The following SPATA1 variants were observed in gnomAD, a reference collection of about 807,000 sequenced individuals.
SPATA1 encodes the protein spermatogenesis associated 1.
SPATA1 carries 57 observed loss-of-function variants against 59.6 expected under a neutral mutation model. The observed-to-expected ratio is 0.96, with a 90% CI of 0.77 to 1.19. The LOEUF is 1.19. Ranked by LOEUF, SPATA1 falls within the 50% of genes most tolerant of loss-of-function variation. The probability of loss-of-function intolerance (pLI) is 0.00; values close to 1 mark genes in which losing one functional copy is unlikely to be tolerated. For missense variants in SPATA1, 448 were observed against 480.7 expected, an observed-to-expected ratio of 0.93 and a Z score of 0.64; for synonymous variants, 147 against 163.9, an observed-to-expected ratio of 0.90 and a Z score of 0.79.
chr1:84,511,788 T>A (rs1682574790), intron 1 of SPATA1, among the ~76,000 whole-genome samples: 1 of 150,468 alleles, frequency 6.6e-6, no homozygotes, highest in Admixed American at 6.7e-5. Context: ...TTCAAGCAAG[T>A]CTCCTGCCTC....
intron 3 of SPATA1, among the ~76,000 whole-genome samples, chr1:84,521,823 A>G (rs567250797): frequency 6.6e-6 from 1 of 152,296 alleles, no homozygotes; most frequent in East Asian, 1.9e-4. Flanking sequence ...TGCTCAATAA[A>G]TATGTGTTGA....
At chr1:84,540,636 T>C (rs1370954479) in intron 8 of SPATA1, among the ~76,000 whole-genome samples, 2 of 152,214 alleles carry the variant, frequency 1.3e-5, no homozygotes, top group Admixed American at 1.3e-4. Context: ...TATAATTAAA[T>C]ATGTTCAACA....
rs952736327 is a variant in SPATA1, at chr1:84,550,855, T to A, written c.1224+325T>A. 4 of 991,374 alleles carry A rather than the reference T, an allele frequency of 4.0e-6. No individual in the cohort carries two copies. In the African/African-American group the frequency reaches 5.2e-5, roughly 13 times the overall value. The allele number at this position is 991,374 out of a possible 1,614,324, so 61.4% of individuals were successfully genotyped here. A position where few individuals can be genotyped will look rare whatever the true frequency, so the allele number is the denominator to read the frequency against. ...CCTGTATTAGAATTATTAAGTCTGA[T>A]AAACCACTGAGCTCTCCTCTGAACT... is the stretch of plus-strand genomic sequence containing the variant. On this transcript the variant is annotated intron_variant, in intron 12 of 12. Coordinates refer to ENST00000490879, the Ensembl canonical transcript of SPATA1.
intron 6 of SPATA1, among the ~76,000 whole-genome samples, chr1:84,527,293 A>C (rs1348645624): frequency 6.6e-6 from 1 of 152,120 alleles, no homozygotes; most frequent in East Asian, 1.9e-4. Flanking sequence ...AGTTAAACTA[A>C]TTTTTTTCCT....
At chr1:84,514,137 G>A (rs1682695498) in intron 1 of SPATA1, among the ~76,000 whole-genome samples, 1 of 151,838 alleles carries the variant, frequency 6.6e-6, no homozygotes, top group Non-Finnish European at 1.5e-5. Context: ...AAGCCACCAC[G>A]CCCGGCTCTC....
At chr1:84,550,443 A>G (rs747650691) in exon 12 of SPATA1, 5 of 1,537,384 alleles carry the variant, frequency 3.3e-6, no homozygotes, top group Non-Finnish European at 4.4e-6. Flanking sequence ...ATTACCTAAT[A>G]ATCCAGATCA....
rs182129146 is a variant in SPATA1, at chr1:84,527,323, T to G, written c.544+1250T>G. Among the ~76,000 whole-genome samples the G allele has an allele frequency of 2.0e-4, 30 of 152,286 alleles. No homozygotes were observed. The East Asian group carries it at 3.3e-3, about 17-fold the overall frequency. Reference sequence around the variant, plus strand: ...TTTCCTATTGATTCTTAGACTGTAGTCAGCTTTATTTATATGCTTTAAATG... The same window carrying G: ...TTTCCTATTGATTCTTAGACTGTAGGCAGCTTTATTTATATGCTTTAAATG... On this transcript the variant is annotated intron_variant, in intron 6 of 12. Coordinates refer to ENST00000490879, the Ensembl canonical transcript of SPATA1.
exon 10 of SPATA1, chr1:84,545,706 T>A (rs1182732628): frequency 6.5e-7 from 1 of 1,536,320 alleles, no homozygotes; most frequent in South Asian, 1.3e-5. Context: ...AGAGAAGAAC[T>A]AGTAAAAACG....
At chr1:84,511,556 A>G (rs1458007152) in intron 1 of SPATA1, among the ~76,000 whole-genome samples, 1 of 151,542 alleles carries the variant, frequency 6.6e-6, no homozygotes, top group African/African-American at 2.4e-5. Flanking sequence ...TGTCAACACT[A>G]GGACGTGTCT....
chr1:84,560,097 AAAAGAAAG>A (rs59549626), intron 4 of SPATA1, among the ~76,000 whole-genome samples: 30,252 of 113,956 alleles, frequency 0.27, 4,319 homozygotes, highest in African/African-American at 0.35. Flanking sequence ...AAAAAAAAAA[AAAAGAAAG>A]AAAGAAAGAA....
At chr1:84,565,149 T>C (rs1684666848) in intron 4 of SPATA1, among the ~76,000 whole-genome samples, 1 of 152,032 alleles carries the variant, frequency 6.6e-6, no homozygotes, top group African/African-American at 2.4e-5. Context: ...CAGTGAGCCC[T>C]GATCGTGCCA....
intron 6 of SPATA1, among the ~76,000 whole-genome samples, chr1:84,531,763 A>G (rs1439704537): frequency 6.6e-6 from 1 of 151,172 alleles, no homozygotes; most frequent in East Asian, 2.0e-4. Context: ...TTCTAGAGAT[A>G]TTGCCCAGGC....
intron 1 of SPATA1, among the ~76,000 whole-genome samples, chr1:84,508,060 T>A (rs1682354495): frequency 6.6e-6 from 1 of 152,088 alleles, no homozygotes; most frequent in Non-Finnish European, 1.5e-5. Flanking sequence ...GGCGAGCAGA[T>A]CACGAGGTCA....
intron 8 of SPATA1, among the ~76,000 whole-genome samples, chr1:84,539,612 G>A (rs1245095329): frequency 2.0e-5 from 3 of 151,984 alleles, no homozygotes; most frequent in Admixed American, 2.0e-4. Context: ...TTTTTGGGGG[G>A]GTTACCTGTT....
At chr1:84,560,890 T>C (rs1262324830) in intron 4 of SPATA1, among the ~76,000 whole-genome samples, 1 of 152,194 alleles carries the variant, frequency 6.6e-6, no homozygotes, top group Non-Finnish European at 1.5e-5. Flanking sequence ...AAAAAAGAGA[T>C]TTCTTTCAAA....
intron 8 of SPATA1, among the ~76,000 whole-genome samples, chr1:84,541,939 TTTTG>T (rs140100393): frequency 0.055 from 8,383 of 152,104 alleles, 321 homozygotes; most frequent in Non-Finnish European, 0.078. Context: ...TTTGAGTTTT[TTTTG>T]TTTGTTTGTT....
intron 10 of SPATA1, 100 bp from the exon 11 acceptor site, chr1:84,548,686 T>C: frequency 7.8e-7 from 1 of 1,277,556 alleles, no homozygotes; most frequent in Non-Finnish European, 1.0e-6. Context: ...TAAATTGACA[T>C]TAGCTCTAGG....
At chr1:84,551,078 C>T in intron 12 of SPATA1, 2 of 985,248 alleles carry the variant, frequency 2.0e-6, no homozygotes, top group Non-Finnish European at 2.4e-6. Flanking sequence ...TGGGCATGCT[C>T]TATTTGGTGA....
downstream of SPATA1, among the ~76,000 whole-genome samples, chr1:84,558,592 C>T (rs1684523444): frequency 6.9e-6 from 1 of 145,562 alleles, no homozygotes. Context: ...CGCCCGGCCA[C>T]TTTTTTTTAA....
Sources: gnomAD v4.1 joint callset for allele counts (sites outside exome capture counted in the v4.1 genomes callset) on GRCh38, gnomAD v4.1.1 for gene constraint, MANE v1.5 for transcripts, NCBI Gene and HGNC (gene_info 2026-07-23, HGNC 2026-07-21) for gene names.